Variants in LHFPL6 observed in about 807,000 individuals in gnomAD.
LHFPL6 encodes the protein LHFPL tetraspan subfamily member 6 protein.
LHFPL6 carries 9 observed loss-of-function variants against 20.6 expected under a neutral mutation model. The observed-to-expected ratio is 0.44, with a 90% CI of 0.26 to 0.76. The LOEUF (loss-of-function observed/expected upper bound fraction) is 0.76. Ranked by LOEUF, LHFPL6 falls within the 30% of genes least tolerant of loss-of-function variation. The probability of loss-of-function intolerance (pLI) is 0.20; values close to 1 mark genes in which losing one functional copy is unlikely to be tolerated. For missense variants in LHFPL6, 218 were observed against 253.5 expected (o/e 0.86, Z 0.95); for synonymous variants, 105 against 98.7 (o/e 1.06, Z -0.38).
intron 2 of LHFPL6, among the ~76,000 whole-genome samples, chr13:39,534,927 A>T (rs1162668650): frequency 6.6e-6 from 1 of 152,120 alleles, no homozygotes; most frequent in Non-Finnish European, 1.5e-5. Context: ...AACAACAAAA[A>T]TTTGTTCCCT....
intron 2 of LHFPL6, among the ~76,000 whole-genome samples, chr13:39,447,244 AT>A (rs1872314711): frequency 6.6e-6 from 1 of 152,218 alleles, no homozygotes; most frequent in East Asian, 1.9e-4. Context: ...GAGTGTGCCC[AT>A]TTAGTACAGT....
intron 2 of LHFPL6, among the ~76,000 whole-genome samples, chr13:39,479,740 T>C (rs915099374): frequency 6.6e-6 from 1 of 152,154 alleles, no homozygotes; most frequent in Non-Finnish European, 1.5e-5. Flanking sequence ...GAGCTAGACA[T>C]ATAAACACAC....
intron 2 of LHFPL6, among the ~76,000 whole-genome samples, chr13:39,524,345 A>AG (rs1491276722): frequency 1.6e-4 from 1 of 6,432 alleles, no homozygotes; most frequent in Non-Finnish European, 2.9e-4. Flanking sequence ...TAAGGCCTAG[A>AG]AAAAAAAAAA....
intron 2 of LHFPL6, among the ~76,000 whole-genome samples, chr13:39,385,897 C>A (rs1002012186): frequency 1.3e-5 from 2 of 152,068 alleles, no homozygotes; most frequent in African/African-American, 2.4e-5. Context: ...TTAATGTGAT[C>A]TCACTTTTTT....
chr13:39,495,185 C>T (rs549732047), intron 2 of LHFPL6, among the ~76,000 whole-genome samples: 3 of 152,304 alleles, frequency 2.0e-5, no homozygotes, highest in South Asian at 2.1e-4. Context: ...CAAGTACATT[C>T]GCTATGTGTT....
intron 2 of LHFPL6, among the ~76,000 whole-genome samples, chr13:39,511,985 A>C (rs773377100): frequency 1.3e-5 from 2 of 152,210 alleles, no homozygotes; most frequent in Non-Finnish European, 2.9e-5. Flanking sequence ...ACATTTTCTG[A>C]CAGGCAGTTC....
intron 2 of LHFPL6, among the ~76,000 whole-genome samples, chr13:39,583,633 A>T (rs1238458087): frequency 6.6e-6 from 1 of 152,236 alleles, no homozygotes; most frequent in Non-Finnish European, 1.5e-5. Context: ...AGCATAAGTG[A>T]AAGAATCCAG....
chr13:39,591,607 G>A (rs770890853), intron 2 of LHFPL6, among the ~76,000 whole-genome samples: 8 of 152,100 alleles, frequency 5.3e-5, no homozygotes, highest in Non-Finnish European at 1.2e-4. Flanking sequence ...GAGGTTTTAG[G>A]CAAATAAAAT....
At chr13:39,528,999 G>C (rs7334594) in intron 2 of LHFPL6, among the ~76,000 whole-genome samples, 34,476 of 152,218 alleles carry the variant, frequency 0.23, 4,110 homozygotes, top group South Asian at 0.37. Flanking sequence ...AAGACAGCTG[G>C]AGGGCAAGTT....
intron 2 of LHFPL6, among the ~76,000 whole-genome samples, chr13:39,391,044 G>C (rs1870696837): frequency 6.6e-6 from 1 of 152,098 alleles, no homozygotes. Context: ...TCCAAAAACA[G>C]TAATGCAGAA....
intron 2 of LHFPL6, among the ~76,000 whole-genome samples, chr13:39,443,727 A>C (rs1201512781): frequency 6.6e-6 from 1 of 151,958 alleles, no homozygotes; most frequent in East Asian, 1.9e-4. Context: ...TCCCCAACTT[A>C]AACAATTTTT....
chr13:39,381,258 C>T (rs1362322804), intron 2 of LHFPL6, among the ~76,000 whole-genome samples: 3 of 152,084 alleles, frequency 2.0e-5, no homozygotes, highest in African/African-American at 4.8e-5. Context: ...CATGAAAACA[C>T]CTAGTCTGGC....
intron 2 of LHFPL6, among the ~76,000 whole-genome samples, chr13:39,460,628 C>A (rs1198095298): frequency 6.6e-6 from 1 of 152,180 alleles, no homozygotes; most frequent in African/African-American, 2.4e-5. Context: ...CAAATGCAAA[C>A]AGTGTTGGCT....
intron 2 of LHFPL6, among the ~76,000 whole-genome samples, chr13:39,467,552 G>C (rs1414017122): frequency 6.6e-6 from 1 of 152,042 alleles, no homozygotes; most frequent in Non-Finnish European, 1.5e-5. Context: ...ACTGGATAAA[G>C]CTGTTCTCTG....
intron 2 of LHFPL6, among the ~76,000 whole-genome samples, chr13:39,545,644 T>C (rs1050627056): frequency 6.6e-5 from 10 of 152,146 alleles, no homozygotes. Context: ...GTCCTTGATA[T>C]GAAATGGCAT....
chr13:39,590,441 T>C (rs1262917166), intron 2 of LHFPL6, among the ~76,000 whole-genome samples: 2 of 152,242 alleles, frequency 1.3e-5, no homozygotes, highest in African/African-American at 2.4e-5. Flanking sequence ...TAGCACCTAT[T>C]GGTACACCCA....
chr13:39,489,912 A>T (rs543668321), intron 2 of LHFPL6, among the ~76,000 whole-genome samples: 126 of 152,280 alleles, frequency 8.3e-4, no homozygotes, highest in Non-Finnish European at 1.8e-3. Flanking sequence ...CAATTTCTAA[A>T]GGGCTGGAGT....
chr13:39,601,061 A>G lies in LHFPL6; in HGVS notation c.156T>C (p.Tyr52=). The G allele has an allele frequency of 6.2e-7, 1 of 1,614,228 alleles. No homozygotes were observed. Among genetic ancestry groups the G allele is most frequent in the Non-Finnish European group, 8.5e-7 (1 of 1,180,046 alleles). The change falls in exon 2 of 4, where the codon TAT becomes TAC. Residue 52 remains tyrosine (Y), a synonymous_variant. Coordinates refer to ENST00000379589, the MANE Select transcript of LHFPL6 (RefSeq NM_005780.3). ...VSFGTFRRCS[Y]PVHDESRQMM... is the part of the protein sequence containing the mutation. ...TCTGCCGACTCTCATCATGCACAGG[A>G]TATGAGCACCTCCGGAAGGTACCGA...
chr13:39,488,554 T>C (rs1042464536), intron 2 of LHFPL6, among the ~76,000 whole-genome samples: 11 of 152,194 alleles, frequency 7.2e-5, no homozygotes, highest in African/African-American at 2.7e-4. Flanking sequence ...ATGCAACTTC[T>C]AAGGCAGACT....
Sources: allele counts gnomAD v4.1 joint callset (sites outside exome capture counted in the v4.1 genomes callset), GRCh38; gene constraint gnomAD v4.1.1; transcripts MANE v1.5; gene names NCBI Gene and HGNC (gene_info 2026-07-23, HGNC 2026-07-21).